SND1: variants seen among roughly 807,000 people sequenced by gnomAD.
SND1 encodes the protein staphylococcal nuclease domain-containing protein 1.
In SND1, 38 loss-of-function variants were observed where a neutral mutation model predicts 121.7. That is an observed-to-expected ratio of 0.31 (90% CI 0.24 to 0.41). The LOEUF is 0.41. Ranked by LOEUF, SND1 falls within the 10% of genes least tolerant of loss-of-function variation. The pLI is 1.00. For synonymous variants in SND1, 401 were observed against 447.4 expected, an observed-to-expected ratio of 0.90 and a Z score of 1.31; for missense variants, 868 against 1,184.6, an observed-to-expected ratio of 0.73 and a Z score of 3.92.
intron 10 of SND1, among the ~76,000 whole-genome samples, chr7:127,726,056 G>A (rs537975534): frequency 6.6e-6 from 1 of 152,150 alleles, no homozygotes; most frequent in Non-Finnish European, 1.5e-5. Context: ...ACTGGAAGAT[G>A]AGCTTTTTGC....
intron 21 of SND1, among the ~76,000 whole-genome samples, chr7:128,087,487 T>C (rs1793705816): frequency 6.6e-6 from 1 of 152,222 alleles, no homozygotes; most frequent in Non-Finnish European, 1.5e-5. Context: ...TTAGTTCTGA[T>C]GGCACAGTGA....
intron 14 of SND1, among the ~76,000 whole-genome samples, chr7:127,922,175 C>CTTTTTTTTTTTTTTTGT (rs1800722065): frequency 1.7e-5 from 1 of 57,176 alleles, no homozygotes; most frequent in Non-Finnish European, 3.0e-5. Context: ...TTTTTCTTTC[C>CTTTTTTTTTTTTTTTGT]TTTTTTTTTT....
chr7:127,655,098 A>T (rs1562968705), intron 1 of SND1, among the ~76,000 whole-genome samples: 1 of 152,172 alleles, frequency 6.6e-6, no homozygotes, highest in Non-Finnish European at 1.5e-5. Context: ...ACACTGACCT[A>T]CGCTTTTCAT....
chr7:128,086,993 G>T lies in SND1; in HGVS notation c.2360G>T (p.Arg787Leu), dbSNP rs760207441. The T allele has an allele frequency of 6.2e-7, 1 of 1,614,094 alleles. No homozygotes were observed. The highest frequency in any genetic ancestry group is 8.5e-7 in the Non-Finnish European group (1 of 1,180,048). ...ACCCTATCACCTGCCTTCAGCACTC[G>T]GGTGCTGCCAGCTCAAGCCACGGAG... ...LGTLSPAFST[R>L]VLPAQATEYA... The change falls in exon 21 of 24, where the codon CGG (arginine) becomes CTG (leucine). Residue 787 changes from arginine (R) to leucine (L), a missense_variant. By Grantham distance (102) the Arg-to-Leu change is moderately radical (BLOSUM62 -2). Around this residue, in one of 2 missense-constraint regions of SND1, gnomAD observed 743 missense variants for 1,071.3 expected, o/e 0.69. Transcript: ENST00000354725.
At chr7:128,049,135 A>G (rs956502791) in intron 16 of SND1, among the ~76,000 whole-genome samples, 13 of 152,170 alleles carry the variant, frequency 8.5e-5, no homozygotes, top group Admixed American at 2.6e-4. Flanking sequence ...TGCTACCCTT[A>G]CTGGAGCAAA....
chr7:127,762,759 C>T (rs138498223), intron 10 of SND1, among the ~76,000 whole-genome samples: 62 of 152,326 alleles, frequency 4.1e-4, no homozygotes, highest in Non-Finnish European at 7.5e-4. Context: ...GCAAGCTTGA[C>T]ACTCTTAAGT....
At chr7:128,058,189 T>TAA (rs764053105) in intron 16 of SND1, among the ~76,000 whole-genome samples, 5 of 152,246 alleles carry the variant, frequency 3.3e-5, no homozygotes, top group African/African-American at 1.2e-4. Flanking sequence ...AGTGTTCTCT[T>TAA]AGAGAACAAC....
intron 16 of SND1, chr7:128,027,380 G>C (rs537867418): frequency 6.6e-6 from 1 of 152,390 alleles, no homozygotes; most frequent in East Asian, 1.9e-4. Context: ...GGAACTCCAT[G>C]TGTGCATGCG....
rs139111496 is a variant in SND1 at position 128,062,089 on chromosome 7, G to A, written c.1780-12413G>A. Among the ~76,000 whole-genome samples, 89 of 152,356 alleles carry A rather than the reference G, an allele frequency of 5.8e-4. 2 individuals are homozygous for A. The East Asian group carries it at 0.014, about 25-fold the overall frequency. ...TGTGCCTAAAGGCAGCTCCTTAGTC[G>A]GGTGAGAGGAGAAGCTTGGACTTTT... is the stretch of plus-strand genomic sequence containing the variant. On this transcript the variant is annotated intron_variant, in intron 16 of 23. Transcript: ENST00000354725.
At chr7:127,993,888 A>G (rs1371106919) in intron 16 of SND1, among the ~76,000 whole-genome samples, 2 of 152,196 alleles carry the variant, frequency 1.3e-5, no homozygotes, top group African/African-American at 2.4e-5. Flanking sequence ...GGACTTCCCT[A>G]TGTGAAACCA....
At chr7:128,005,779 G>A (rs765932728) in intron 16 of SND1, among the ~76,000 whole-genome samples, 5 of 152,168 alleles carry the variant, frequency 3.3e-5, no homozygotes, top group African/African-American at 7.2e-5. Context: ...CTCCAACTCC[G>A]AGGCTTGCTT....
At chr7:128,016,091 C>T (rs530336783) in intron 16 of SND1, among the ~76,000 whole-genome samples, 87 of 151,904 alleles carry the variant, frequency 5.7e-4, no homozygotes, top group Non-Finnish European at 9.7e-4. Flanking sequence ...CTTTTTCTCC[C>T]TTAAGAGAAA....
At chr7:127,918,055 CTT>C in intron 14 of SND1, among the ~76,000 whole-genome samples, 1 of 142,422 alleles carries the variant, frequency 7.0e-6, no homozygotes, top group African/African-American at 2.6e-5. Context: ...TAGATTTTTT[CTT>C]TTTTTTTTTT....
intron 10 of SND1, among the ~76,000 whole-genome samples, chr7:127,741,489 T>C (rs566229913): frequency 9.9e-5 from 15 of 152,194 alleles, no homozygotes; most frequent in African/African-American, 3.6e-4. Flanking sequence ...CTAAAATAAT[T>C]AAAGCAAATC....
chr7:128,030,746 G>A, intron 16 of SND1: 5 of 1,388,796 alleles, frequency 3.6e-6, no homozygotes. Flanking sequence ...TCCATCTGGA[G>A]AAGGAGGTGG....
chr7:127,953,076 A>T (rs1801498433), intron 15 of SND1, among the ~76,000 whole-genome samples: 1 of 151,342 alleles, frequency 6.6e-6, no homozygotes, highest in Non-Finnish European at 1.5e-5. Context: ...AAGTGGGAGG[A>T]TCACTTGAGC....
At chr7:127,706,710 A>G in intron 8 of SND1, among the ~76,000 whole-genome samples, 1 of 152,154 alleles carries the variant, frequency 6.6e-6, no homozygotes, top group East Asian at 1.9e-4. Flanking sequence ...TATTTTGATA[A>G]TATGTGATTA....
At chr7:127,800,541 T>A (rs1225828386) in intron 10 of SND1, among the ~76,000 whole-genome samples, 2 of 152,156 alleles carry the variant, frequency 1.3e-5, no homozygotes, top group Non-Finnish European at 2.9e-5. Context: ...AAGAGAGGAA[T>A]AAAAGTATGA....
At chr7:127,656,311 C>T (rs1383217638) in intron 1 of SND1, among the ~76,000 whole-genome samples, 1 of 149,408 alleles carries the variant, frequency 6.7e-6, no homozygotes. Flanking sequence ...TTTTCTTTTT[C>T]TTTTCTTTCT....
Sources: allele counts gnomAD v4.1 joint callset (sites outside exome capture counted in the v4.1 genomes callset), GRCh38; gene constraint gnomAD v4.1.1; regional missense constraint gnomAD v4.1.1; transcripts MANE v1.5; gene names NCBI Gene and HGNC (gene_info 2026-07-23, HGNC 2026-07-21).